UNKL: variants seen among roughly 807,000 people sequenced by gnomAD.
The protein encoded by UNKL is putative E3 ubiquitin-protein ligase UNKL.
In UNKL, 60 loss-of-function variants were observed where a neutral mutation model predicts 78.0. That is an observed-to-expected ratio of 0.77 (90% confidence interval 0.63 to 0.95). The LOEUF is 0.95. UNKL is among the 40% of genes least tolerant of loss of function. The pLI, the probability that UNKL is intolerant of heterozygous loss-of-function variation, is 0.00. For synonymous variants in UNKL, 608 were observed against 474.8 expected, an observed-to-expected ratio of 1.28 and a Z score of -3.65; for missense variants, 1,159 against 1,045.7, an observed-to-expected ratio of 1.11 and a Z score of -1.49.
chr16:1,366,248 G>A lies in UNKL; in HGVS notation c.2194C>T (p.Gln732Ter). 6.4e-7 allele frequency: 1 copy of A among 1,570,458 alleles called. No homozygotes were observed. The highest frequency in any genetic ancestry group is 8.6e-7 in the Non-Finnish European group (1 of 1,158,188). ...ECPYCKGQPL[Q>*]W ...GGCTGTCCCCGCTGAGGTCACCACT[G>A]CAGGGGCTGGCCCTTGCAGTAGGGG... The change falls in exon 15 of 15, where the codon CAG (glutamine) becomes TAG (stop). Residue 732 changes from glutamine to a stop codon, truncating the protein, a stop_gained. Transcript: ENST00000389221. LOFTEE classifies it high-confidence loss of function.
At position 1,363,609 on chromosome 16, in the gene UNKL, G is replaced by A. The variant is rs1596619259; in HGVS notation, c.*2631C>T. The A allele has an allele frequency of 4.8e-6, 1 of 206,758 alleles. No homozygotes were observed. The highest frequency in any genetic ancestry group is 1.3e-4 in the East Asian group (1 of 7,538). 12.8% of individuals were successfully genotyped at this position (206,758 alleles called of 1,614,324 possible). A position where few individuals can be genotyped will look rare whatever the true frequency, so the allele number is the denominator to read the frequency against. On this transcript the variant is annotated 3_prime_UTR_variant, in exon 15 of 15. Coordinates refer to ENST00000389221, the MANE Select transcript of UNKL (RefSeq NM_001372107.1). The stretch of plus-strand genomic sequence containing the variant: ...CCGTGCCCGCCATGGCCACAGGGGG[G>A]AGCTGCTGGGCGCGCCTCCACCTCA...
chr16:1,363,937 CG>C lies in UNKL; in HGVS notation c.*2302del, dbSNP rs1385736106. The C allele has an allele frequency of 1.3e-5, 2 of 152,212 alleles. No homozygotes were observed. Among genetic ancestry groups the C allele is most frequent in the Non-Finnish European group, 2.9e-5 (2 of 68,050 alleles). 9.4% of individuals were successfully genotyped at this position (152,212 alleles called of 1,614,324 possible). A position where few individuals can be genotyped will look rare whatever the true frequency, so the allele number is the denominator to read the frequency against. On this transcript the variant is annotated 3_prime_UTR_variant, in exon 15 of 15. Transcript: ENST00000389221. ...TGAGCCCTGGAGACACCCTGAGGGGCGGGCGCCACCTCCTTCCCAGAAAGAG... is the reference window on the plus strand; with the variant it reads ...TGAGCCCTGGAGACACCCTGAGGGGCGGCGCCACCTCCTTCCCAGAAAGAG...
At chr16:1,374,138 C>T (rs1228868837) in intron 10 of UNKL, among the ~76,000 whole-genome samples, 1 of 135,928 alleles carries the variant, frequency 7.4e-6, no homozygotes, top group African/African-American at 2.9e-5. Flanking sequence ...ACCTCAGCAG[C>T]GTGGGGCACA....
Position 1,370,470 on chromosome 16 carries a change from T to C in UNKL, c.1358-113A>G, listed in dbSNP as rs1199288302. 4 of 1,026,228 alleles carry C rather than the reference T, an allele frequency of 3.9e-6. No homozygotes were observed. In the South Asian group the frequency reaches 4.7e-5, roughly 12 times the overall value. 63.6% of individuals were successfully genotyped at this position (1,026,228 alleles called of 1,614,324 possible). A position where few individuals can be genotyped will look rare whatever the true frequency, so the allele number is the denominator to read the frequency against. On this transcript the variant is annotated intron_variant, in intron 11 of 14. Transcript: ENST00000389221. ...CCTGCAGGTGGTGGTGGTGGGGATA[T>C]GGGGGGTGGGAATATAGGGGCCAGG... is the stretch of plus-strand genomic sequence containing the variant.
At chr16:1,380,263 G>A (rs2036551029) in intron 10 of UNKL, among the ~76,000 whole-genome samples, 1 of 151,794 alleles carries the variant, frequency 6.6e-6, no homozygotes, top group South Asian at 2.1e-4. Context: ...CCTACAACCT[G>A]AAGGAAACTG....
Position 1,363,978 on chromosome 16 carries a change from G to A in UNKL, c.*2262C>T, listed in dbSNP as rs1204044573. Reference sequence around the variant, plus strand: ...CCCAGAAAGAGCAGAGCAGCTGGCAGACTAGAGCTCAGCTGCTCCTGACCA... The same window carrying A: ...CCCAGAAAGAGCAGAGCAGCTGGCAAACTAGAGCTCAGCTGCTCCTGACCA... On this transcript the variant is annotated 3_prime_UTR_variant, in exon 15 of 15. Coordinates refer to ENST00000389221, the MANE Select transcript of UNKL (RefSeq NM_001372107.1). 6.6e-6 allele frequency: 1 copy of A among 152,224 alleles called. No homozygotes were observed. Among genetic ancestry groups the A allele is most frequent in the African/African-American group, 2.4e-5 (1 of 41,446 alleles). 9.4% of individuals were successfully genotyped at this position (152,224 alleles called of 1,614,324 possible).
rs750908922 is a variant in UNKL at position 1,394,220 on chromosome 16, G to A, written c.853-5C>T. 2 of 1,550,600 alleles carry A rather than the reference G, an allele frequency of 1.3e-6. No individual in the cohort carries two copies. Among genetic ancestry groups the A allele is most frequent in the South Asian group, 2.4e-5 (2 of 84,064 alleles). ...GCATTTTGTAGATTTGTAGATCTGG[G>A]GAAAAAAGTGAAATAAAGAGGTTGG... On this transcript the variant is annotated splice_region_variant and splice_polypyrimidine_tract_variant and intron_variant, in intron 6 of 14. Transcript: ENST00000389221.
At chr16:1,371,082 C>CAAAA (rs764163064) in intron 11 of UNKL, among the ~76,000 whole-genome samples, 3 of 67,962 alleles carry the variant, frequency 4.4e-5, no homozygotes, top group African/African-American at 8.8e-5. Context: ...GGCTCTGTCT[C>CAAAA]AAAAAAAAAA....
intron 10 of UNKL, among the ~76,000 whole-genome samples, chr16:1,376,645 C>T (rs969355978): frequency 6.6e-6 from 1 of 152,124 alleles, no homozygotes; most frequent in African/African-American, 2.4e-5. Flanking sequence ...CTCATTTTAA[C>T]CTGGTTATGA....
intron 3 of UNKL, among the ~76,000 whole-genome samples, chr16:1,402,026 G>A (rs1167376053): frequency 2.0e-5 from 3 of 152,220 alleles, no homozygotes; most frequent in Non-Finnish European, 4.4e-5. Flanking sequence ...GCCTCCCAGA[G>A]CACTGGGATT....
chr16:1,410,731 G>A (rs1300284112), intron 2 of UNKL, among the ~76,000 whole-genome samples: 1 of 152,190 alleles, frequency 6.6e-6, no homozygotes, highest in Non-Finnish European at 1.5e-5. Context: ...CCAGGTCTGG[G>A]CAGATAAGGG....
intron 2 of UNKL, among the ~76,000 whole-genome samples, chr16:1,407,991 G>A (rs1048397952): frequency 1.3e-5 from 2 of 151,910 alleles, no homozygotes; most frequent in Non-Finnish European, 2.9e-5. Flanking sequence ...GGATCGCTTG[G>A]GTACTCCGGA....
chr16:1,406,702 C>T (rs182381863), intron 2 of UNKL, among the ~76,000 whole-genome samples: 1 of 152,278 alleles, frequency 6.6e-6, no homozygotes, highest in East Asian at 1.9e-4. Context: ...CTCTTGCTCC[C>T]AAAGCCCAAG....
intron 2 of UNKL, among the ~76,000 whole-genome samples, chr16:1,413,243 C>CAAAAAAAAAAAA (rs546295462): frequency 1.4e-5 from 1 of 71,648 alleles, no homozygotes. Context: ...GACCCTGTCT[C>CAAAAAAAAAAAA]AAAAAAAAAA....
chr16:1,366,561 G>A (rs1362215246), intron 14 of UNKL, among the ~76,000 whole-genome samples, 166 bp from the exon 15 acceptor site: 2 of 152,216 alleles, frequency 1.3e-5, no homozygotes, highest in Non-Finnish European at 1.5e-5. Flanking sequence ...TCAGGGAGAA[G>A]GCAGCTGCGG....
chr16:1,400,530 G>A (rs1293370469), intron 4 of UNKL, among the ~76,000 whole-genome samples: 2 of 151,682 alleles, frequency 1.3e-5, no homozygotes, highest in African/African-American at 4.9e-5. Flanking sequence ...CAGGGACCAG[G>A]GAGGGGATGG....
At chr16:1,408,152 G>T (rs555040096) in intron 2 of UNKL, among the ~76,000 whole-genome samples, 28 of 152,280 alleles carry the variant, frequency 1.8e-4, no homozygotes, top group African/African-American at 6.5e-4. Context: ...CCGGGGTCCC[G>T]CGGGGCGCCT....
At chr16:1,398,909 C>A (rs1460782395) in intron 5 of UNKL, 1 of 1,568,436 alleles carries the variant, frequency 6.4e-7, no homozygotes, top group East Asian at 2.3e-5. Flanking sequence ...GGCCCTGGGA[C>A]TCAGCCTAAG....
At chr16:1,386,353 G>C (rs2142096986) in intron 9 of UNKL, among the ~76,000 whole-genome samples, 1 of 152,314 alleles carries the variant, frequency 6.6e-6, no homozygotes, top group South Asian at 2.1e-4. Flanking sequence ...AGGAGTTCGA[G>C]ACCAGGCTGC....
Sources: gnomAD v4.1 joint callset for allele counts (sites outside exome capture counted in the v4.1 genomes callset) on GRCh38, gnomAD v4.1.1 for gene constraint, MANE v1.5 for transcripts, NCBI Gene and HGNC (gene_info 2026-07-23, HGNC 2026-07-21) for gene names.